TRPM6: variants seen among roughly 807,000 people sequenced by gnomAD.
The protein encoded by TRPM6 is channel kinase 2.
A neutral mutation model predicts 247.6 loss-of-function variants in TRPM6; 111 were observed. The ratio of observed to expected loss-of-function variants is 0.45; its 90% confidence interval spans 0.38 to 0.52. The LOEUF is 0.52. Among genes scored for constraint, TRPM6 ranks in the 20% least tolerant of loss-of-function variants. The probability of loss-of-function intolerance (pLI) is 0.00; values close to 1 mark genes in which losing one functional copy is unlikely to be tolerated. For synonymous variants in TRPM6, 892 were observed against 853.8 expected, an observed-to-expected ratio of 1.04 and a Z score of -0.78; for missense variants, 2,126 against 2,421.5, an observed-to-expected ratio of 0.88 and a Z score of 2.56.
chr9:74,769,987 TAGA>T (rs1188983870), intron 25 of TRPM6, among the ~76,000 whole-genome samples: 1 of 152,152 alleles, frequency 6.6e-6, no homozygotes, highest in Non-Finnish European at 1.5e-5. Context: ...GCAGAACGTG[TAGA>T]AGAAGGAAAG....
At chr9:74,821,915 C>T (rs1829141957) in intron 7 of TRPM6, 78 bp from the exon 8 acceptor site, 1 of 1,496,986 alleles carries the variant, frequency 6.7e-7, no homozygotes, top group Admixed American at 1.8e-5. Flanking sequence ...CTTCCAGACA[C>T]AAGTCTCTCA....
chr9:74,771,739 C>A lies in TRPM6; in HGVS notation c.3500G>T (p.Cys1167Phe). The A allele has an allele frequency of 6.2e-7, 1 of 1,613,968 alleles. No individual in the cohort carries two copies. The highest frequency in any genetic ancestry group is 8.5e-7 in the Non-Finnish European group (1 of 1,179,976). ...YFHEKMEDVN[C>F]SCEERIRVTS... ...CACTCGGATTCGTTCCTCACAACTA[C>A]AATTCACATCTTCCATCTTCTCATG... Residue 1167 changes from cysteine (C) to phenylalanine (F), a missense_variant, in exon 25 of 39, where the codon TGT (cysteine) becomes TTT (phenylalanine). Physicochemically the swap from Cys to Phe is radical, Grantham distance 205 (BLOSUM62 -2). Coordinates refer to ENST00000360774, the MANE Select transcript of TRPM6 (RefSeq NM_017662.5).
intron 6 of TRPM6, among the ~76,000 whole-genome samples, chr9:74,831,784 A>G (rs1441011968): frequency 6.6e-6 from 1 of 152,174 alleles, no homozygotes; most frequent in Non-Finnish European, 1.5e-5. Flanking sequence ...TTCACCTTTC[A>G]TTATTTTGAA....
At chr9:74,854,085 A>G (rs1293821586) in intron 3 of TRPM6, among the ~76,000 whole-genome samples, 1 of 152,226 alleles carries the variant, frequency 6.6e-6, no homozygotes, top group Admixed American at 6.5e-5. Flanking sequence ...GAAATGTGGT[A>G]TATAACACAG....
chr9:74,827,745 C>A (rs770254518), intron 7 of TRPM6, 33 bp downstream of exon 7: 2 of 1,612,476 alleles, frequency 1.2e-6, no homozygotes, highest in South Asian at 2.2e-5. Context: ...GGCCTGCAAC[C>A]AGACTGGGTG....
At chr9:74,832,788 C>T (rs568083387) in intron 6 of TRPM6, among the ~76,000 whole-genome samples, 4 of 152,254 alleles carry the variant, frequency 2.6e-5, no homozygotes, top group Admixed American at 6.5e-5. Context: ...TGGTGGCTCA[C>T]GCCTGTAATC....
At chr9:74,767,094 T>G (rs1381816003) in intron 25 of TRPM6, among the ~76,000 whole-genome samples, 3 of 152,176 alleles carry the variant, frequency 2.0e-5, no homozygotes, top group Non-Finnish European at 4.4e-5. Flanking sequence ...CATGAAGTAC[T>G]AAATGAACAA....
chr9:74,742,736 C>G (rs1013866325), intron 32 of TRPM6, 110 bp from the exon 33 acceptor site: 1 of 936,482 alleles, frequency 1.1e-6, no homozygotes, highest in Non-Finnish European at 1.7e-6. Flanking sequence ...TCAAAGACCT[C>G]TTATTTTTGC....
chr9:74,746,481 G>T (rs2118767146), intron 31 of TRPM6, among the ~76,000 whole-genome samples: 1 of 152,258 alleles, frequency 6.6e-6, no homozygotes, highest in Middle Eastern at 3.4e-3. Flanking sequence ...TTACTATGTG[G>T]TCAGTCATAT....
At chr9:74,824,840 G>T (rs1344990418) in intron 7 of TRPM6, among the ~76,000 whole-genome samples, 2 of 151,776 alleles carry the variant, frequency 1.3e-5, no homozygotes, top group African/African-American at 2.4e-5. Context: ...CATTTCAAAT[G>T]GCTGAAAGCC....
In TRPM6 at chr9:74,738,591, G is replaced by C; in HGVS notation, c.5592C>G (p.Ile1864Met). 6.2e-7 allele frequency: 1 copy of C among 1,614,026 alleles called. No individual in the cohort carries two copies. The highest frequency in any genetic ancestry group is 8.5e-7 in the Non-Finnish European group (1 of 1,179,952). The change falls in exon 36 of 39, where the codon ATC becomes ATG. Residue 1864 changes from isoleucine (I) to methionine (M), a missense_variant. Ile to Met is a conservative substitution (Grantham distance 10, BLOSUM62 1). Coordinates refer to ENST00000360774, the MANE Select transcript of TRPM6 (RefSeq NM_017662.5). ...YTPRFLEVFLIYCHSANQWLT... is the reference protein window; with the variant it reads ...YTPRFLEVFLMYCHSANQWLT... ...ACCACTGGTTGGCTGAATGGCAGTA[G>C]ATTAAGAAAACTTCCAGGAACCTGT...
Position 74,724,298 on chromosome 9 carries a change from A to G in TRPM6, c.*315T>C, listed in dbSNP as rs1825242413. On this transcript the variant is annotated 3_prime_UTR_variant, in exon 39 of 39. Coordinates refer to ENST00000360774, the MANE Select transcript of TRPM6 (RefSeq NM_017662.5). The stretch of plus-strand genomic sequence containing the variant: ...CCCCCAACCCCATCCTTTAATGTGC[A>G]GGATTCTGCTCCAAAGTTCCAAGTG... The G allele has an allele frequency of 2.3e-6, 1 of 425,930 alleles. No individual in the cohort carries two copies. The highest frequency in any genetic ancestry group is 3.5e-5 in the Admixed American group (1 of 28,246). The allele number at this position is 425,930 out of a possible 1,614,324, so 26.4% of individuals were successfully genotyped here.
At chr9:74,868,217 G>A (rs566019392) in intron 1 of TRPM6, among the ~76,000 whole-genome samples, 7 of 147,366 alleles carry the variant, frequency 4.8e-5, no homozygotes, top group East Asian at 2.1e-4. Flanking sequence ...GTGTCCCGCC[G>A]GGTGTGGTGG....
chr9:74,844,873 C>T (rs1211056311), intron 3 of TRPM6, among the ~76,000 whole-genome samples: 1 of 152,178 alleles, frequency 6.6e-6, no homozygotes, highest in Non-Finnish European at 1.5e-5. Context: ...CTGAGATATG[C>T]AAGACTCTTT....
At chr9:74,768,654 T>C (rs1470553187) in intron 25 of TRPM6, among the ~76,000 whole-genome samples, 2 of 152,232 alleles carry the variant, frequency 1.3e-5, no homozygotes, top group Non-Finnish European at 2.9e-5. Flanking sequence ...ACATGCCTAA[T>C]GAATTGTTCT....
intron 1 of TRPM6, among the ~76,000 whole-genome samples, chr9:74,860,964 A>G (rs1399027886): frequency 6.6e-6 from 1 of 152,202 alleles, no homozygotes; most frequent in Non-Finnish European, 1.5e-5. Context: ...TCGAGGCTGC[A>G]GTGAGCCATG....
intron 13 of TRPM6, among the ~76,000 whole-genome samples, chr9:74,810,303 G>A (rs955189663): frequency 1.3e-5 from 2 of 152,158 alleles, no homozygotes; most frequent in African/African-American, 2.4e-5. Flanking sequence ...ACAGTTCAGT[G>A]AGAACACCAT....
intron 7 of TRPM6, among the ~76,000 whole-genome samples, chr9:74,822,886 T>G (rs1384186925): frequency 2.0e-5 from 3 of 152,130 alleles, no homozygotes; most frequent in African/African-American, 7.2e-5. Flanking sequence ...TATATGCACA[T>G]ACCTGTATGT....
chr9:74,737,063 T>C (rs888222080), intron 36 of TRPM6, among the ~76,000 whole-genome samples: 3 of 152,180 alleles, frequency 2.0e-5, no homozygotes, highest in Non-Finnish European at 4.4e-5. Flanking sequence ...TCTCTCCAAT[T>C]TGAGCTACAA....
Sources: allele counts gnomAD v4.1 joint callset (sites outside exome capture counted in the v4.1 genomes callset), GRCh38; gene constraint gnomAD v4.1.1; transcripts MANE v1.5; gene names NCBI Gene and HGNC (gene_info 2026-07-23, HGNC 2026-07-21).